AKAP12: variants seen among roughly 807,000 people sequenced by gnomAD.
The protein encoded by AKAP12 is A-kinase anchor protein 12.
Under a neutral mutation model 79.9 loss-of-function variants are expected in AKAP12, and 32 were observed. The ratio of observed to expected loss-of-function variants is 0.40; its 90% CI spans 0.30 to 0.54. The LOEUF (loss-of-function observed/expected upper bound fraction) is 0.54, where lower values mean the gene tolerates loss of function less well. Among genes scored for constraint, AKAP12 ranks in the 20% least tolerant of loss-of-function variants. The pLI is 0.48. For missense variants in AKAP12, 2,074 were observed against 2,177.0 expected, an observed-to-expected ratio of 0.95 and a Z score of 0.94; for synonymous variants, 808 against 857.0, an observed-to-expected ratio of 0.94 and a Z score of 1.00.
In AKAP12 at chr6:151,353,069, C is replaced by T; in HGVS notation, c.4678C>T (p.Gln1560Ter). 1 of 1,614,140 alleles carries T rather than the reference C, an allele frequency of 6.2e-7. No individual in the cohort carries two copies. The highest frequency in any genetic ancestry group is 8.5e-7 in the Non-Finnish European group (1 of 1,180,034). ...VQNIIQTAVD[Q>*]FVRTEETATE... ...AAACATCATCCAGACAGCCGTTGAC[C>T]AGTTTGTACGTACAGAAGAAACAGC... Residue 1560 changes from glutamine (Q) to a stop codon, truncating the protein, a stop_gained, in exon 4 of 5, where the codon CAG becomes TAG. Coordinates refer to ENST00000402676, the MANE Select transcript of AKAP12 (RefSeq NM_005100.4). LOFTEE classifies it low-confidence loss of function (END_TRUNC).
intron 2 of AKAP12, among the ~76,000 whole-genome samples, chr6:151,259,483 TAC>T (rs1337961481): frequency 3.3e-5 from 2 of 61,494 alleles, no homozygotes; most frequent in Non-Finnish European, 5.7e-5. Context: ...TATATATATA[TAC>T]ACACACATAT....
At position 151,352,630 on chromosome 6, in the gene AKAP12, G is replaced by C. The variant is rs111440305; in HGVS notation, c.4239G>C (p.Gln1413His). The stretch of plus-strand genomic sequence containing the variant: ...CAGTATGCACCAAAATTCAAGTTCA[G>C]AGCTCTGAGGCATCATTCACTCTAA... ...EEAVCTKIQV[Q>H]SSEASFTLTA... is the part of the protein sequence containing the mutation. The change falls in exon 4 of 5, where the codon CAG becomes CAC. Residue 1413 changes from glutamine (Q) to histidine (H), a missense_variant. Physicochemically the swap from Gln to His is conservative, Grantham distance 24. Around this residue, in one of 3 missense-constraint regions of AKAP12, gnomAD observed 614 missense variants for 665.6 expected, o/e 0.92. Coordinates refer to ENST00000402676, the MANE Select transcript of AKAP12 (RefSeq NM_005100.4). The C allele has an allele frequency of 7.4e-6, 12 of 1,614,068 alleles. No homozygotes were observed. The highest frequency in any genetic ancestry group is 6.7e-5 in the African/African-American group (5 of 74,918).
At chr6:151,294,950 T>C (rs2114741168) in intron 2 of AKAP12, among the ~76,000 whole-genome samples, 1 of 152,282 alleles carries the variant, frequency 6.6e-6, no homozygotes, top group South Asian at 2.1e-4. Flanking sequence ...TCCTTAGTGG[T>C]TCAGAATGCA....
Position 151,324,258 on chromosome 6 carries a change from T to G in AKAP12, c.319+18355T>G, listed in dbSNP as rs145649220. ...TCTCACTGAGTCAGGACAAGGCCCA[T>G]CATTCCCTGTTCCCGCCAGGCCGGG... On this transcript the variant is annotated intron_variant, in intron 3 of 4. Transcript: ENST00000402676. 398 of 985,418 alleles carry G rather than the reference T, an allele frequency of 4.0e-4. 2 individuals carry two copies. The African/African-American group carries it at 6.4e-3, about 16-fold the overall frequency. The allele number at this position is 985,418 out of a possible 1,614,324, so 61.0% of individuals were successfully genotyped here.
intron 3 of AKAP12, chr6:151,324,071 C>T: frequency 3.0e-6 from 3 of 985,410 alleles, no homozygotes; most frequent in Non-Finnish European, 3.6e-6. Flanking sequence ...CCCCTTGGCT[C>T]TGTGGACTCC....
chr6:151,247,761 C>T (rs1456047317), intron 2 of AKAP12, among the ~76,000 whole-genome samples: 1 of 152,200 alleles, frequency 6.6e-6, no homozygotes, highest in Admixed American at 6.5e-5. Flanking sequence ...GATCCTCTCC[C>T]GTTCTCACGG....
chr6:151,355,098 C>T (rs1237452640), intron 4 of AKAP12, among the ~76,000 whole-genome samples: 8 of 151,830 alleles, frequency 5.3e-5, no homozygotes, highest in South Asian at 2.1e-4. Flanking sequence ...CAGGTTCAAG[C>T]GATCCTCCTG....
At position 151,351,262 on chromosome 6, in the gene AKAP12, C is replaced by A. The variant is rs377313534; in HGVS notation, c.2871C>A (p.Asn957Lys). 3 of 1,614,098 alleles carry A rather than the reference C, an allele frequency of 1.9e-6. No homozygotes were observed. The highest frequency in any genetic ancestry group is 1.7e-6 in the Non-Finnish European group (2 of 1,180,050). ...CGGTTACTGAACCTCTGCCAGAGAA[C>A]AGAGAGGCCCGGGGCGACACGGTCG... ...PPTVTEPLPE[N>K]REARGDTVVS... Residue 957 changes from asparagine to lysine, a missense_variant, in exon 4 of 5, where the codon AAC becomes AAA. Asn to Lys is a moderately conservative substitution (Grantham distance 94, BLOSUM62 0). This residue lies in a region of AKAP12 where 1,428 missense variants were observed against 1,451.0 expected (regional missense o/e 0.98). Transcript: ENST00000402676. The surrounding 1 kb of genome is among the most constrained non-coding windows in gnomAD (Gnocchi z 4.4).
At chr6:151,321,912 T>TG (rs905721693) in intron 3 of AKAP12, among the ~76,000 whole-genome samples, 1 of 143,378 alleles carries the variant, frequency 7.0e-6, no homozygotes, top group African/African-American at 2.7e-5. Flanking sequence ...TGTTTTTTTT[T>TG]TTTTTTTTTT....
chr6:151,339,358 G>T (rs564163333), intron 3 of AKAP12, among the ~76,000 whole-genome samples: 1 of 152,266 alleles, frequency 6.6e-6, no homozygotes, highest in East Asian at 1.9e-4. Context: ...CCAGCCTTTG[G>T]CCCTCCTGAG....
At chr6:151,339,474 A>G in intron 3 of AKAP12, among the ~76,000 whole-genome samples, 1 of 152,212 alleles carries the variant, frequency 6.6e-6, no homozygotes, top group East Asian at 1.9e-4. Context: ...GAGAGTTCGG[A>G]GAATTCCCAT....
chr6:151,322,683 G>GCCCACTCCTGCCACTGGGCGTGTCCACCA (rs1562738480), intron 3 of AKAP12, among the ~76,000 whole-genome samples: 6 of 140,088 alleles, frequency 4.3e-5, no homozygotes, highest in African/African-American at 1.9e-4. Context: ...AACTAGAGCT[G>GCCCACTCCTGCCACTGGGCGTGTCCACCA]CCCACTCCCG....
In AKAP12 at chr6:151,348,926, G is replaced by T. The variant is rs1778191051; in HGVS notation, c.535G>T (p.Val179Phe). 1.2e-6 allele frequency: 2 copies of T among 1,614,028 alleles called. No individual in the cohort carries two copies. The highest frequency in any genetic ancestry group is 1.7e-6 in the Non-Finnish European group (2 of 1,180,000). The change falls in exon 4 of 5, where the codon GTT (valine) becomes TTT (phenylalanine). Residue 179 changes from valine to phenylalanine, a missense_variant. Transcript: ENST00000402676. ...DIGFKKVFKF[V>F]GFKFTVKKDK... ...TGGATTTAAGAAGGTGTTTAAGTTT[G>T]TTGGCTTTAAATTCACTGTGAAAAA...
intron 3 of AKAP12, chr6:151,325,388 G>C (rs1231387159): frequency 1.0e-6 from 1 of 985,302 alleles, no homozygotes; most frequent in African/African-American, 1.7e-5. Flanking sequence ...TGAAGTAACC[G>C]TTTAGATCCA....
At chr6:151,297,016 AG>A (rs1385894405) in intron 2 of AKAP12, among the ~76,000 whole-genome samples, 2 of 121,714 alleles carry the variant, frequency 1.6e-5, no homozygotes, top group African/African-American at 3.2e-5. Context: ...TTGAAATAAA[AG>A]GGTTTTTTTT....
At chr6:151,261,226 A>G (rs541597044) in intron 2 of AKAP12, among the ~76,000 whole-genome samples, 4 of 151,762 alleles carry the variant, frequency 2.6e-5, no homozygotes, top group African/African-American at 9.7e-5. Context: ...CATCTCTACT[A>G]AAAATTAGCT....
intron 2 of AKAP12, among the ~76,000 whole-genome samples, chr6:151,287,181 C>T (rs1386264497): frequency 6.6e-6 from 1 of 152,130 alleles, no homozygotes; most frequent in Non-Finnish European, 1.5e-5. Context: ...CCTTGTGATC[C>T]ACCCGCCTCG....
In AKAP12 at chr6:151,349,107, C is replaced by T; in HGVS notation, c.716C>T (p.Pro239Leu). The T allele has an allele frequency of 1.9e-6, 3 of 1,612,810 alleles. No individual in the cohort carries two copies. Among genetic ancestry groups the T allele is most frequent in the Non-Finnish European group, 2.5e-6 (3 of 1,179,800 alleles). The change falls in exon 4 of 5, where the codon CCC (proline) becomes CTC (leucine). Residue 239 changes from proline to leucine, a missense_variant. This residue lies in a region of AKAP12 where 1,428 missense variants were observed against 1,451.0 expected (regional missense o/e 0.98). Coordinates refer to ENST00000402676, the MANE Select transcript of AKAP12 (RefSeq NM_005100.4). ...ESEPKQSTEK[P>L]EETLKREQSH... The stretch of plus-strand genomic sequence containing the variant: ...GAACCCAAACAATCTACAGAGAAAC[C>T]CGAAGAGACCCTGAAGCGTGAGCAA...
At chr6:151,340,492 C>T (rs148716514) in intron 3 of AKAP12, among the ~76,000 whole-genome samples, 7 of 152,304 alleles carry the variant, frequency 4.6e-5, no homozygotes, top group Middle Eastern at 3.4e-3. Flanking sequence ...ACTGTCCTCC[C>T]AAGTGGCTGT....
Sources: gnomAD v4.1 joint callset for allele counts (sites outside exome capture counted in the v4.1 genomes callset) on GRCh38, gnomAD v4.1.1 for gene constraint, gnomAD v4.1.1 regional missense constraint, Gnocchi (gnomAD v3.1) non-coding constraint, MANE v1.5 for transcripts, NCBI Gene and HGNC (gene_info 2026-07-23, HGNC 2026-07-21) for gene names.